DACH1: variants seen among roughly 807,000 people sequenced by gnomAD.
DACH1 encodes dachshund homolog 1.
In DACH1, 12 loss-of-function variants were observed where a neutral mutation model predicts 54.2. The observed-to-expected ratio is 0.22, with a 90% CI of 0.14 to 0.36. The LOEUF (loss-of-function observed/expected upper bound fraction) is 0.36. Among genes scored for constraint, DACH1 ranks in the 10% least tolerant of loss-of-function variants. DACH1 has a pLI of 1.00. For missense variants in DACH1, 805 were observed against 929.8 expected (o/e 0.87, Z 1.75); for synonymous variants, 386 against 366.2 (o/e 1.05, Z -0.62).
At chr13:71,489,389 G>A (rs1277768494) in intron 6 of DACH1, among the ~76,000 whole-genome samples, 2 of 152,078 alleles carry the variant, frequency 1.3e-5, no homozygotes, top group Admixed American at 6.6e-5. Flanking sequence ...TGAGTTTACA[G>A]TGCCATAGAA....
chr13:71,771,347 A>C lies in DACH1; in HGVS notation c.849-89437T>G, dbSNP rs151042369. 8.0e-3 allele frequency among the ~76,000 whole-genome samples: 1,162 copies of C among 144,760 alleles called. 17 individuals are homozygous for C. Among genetic ancestry groups the C allele is most frequent in the African/African-American group, 0.027 (1,074 of 40,330 alleles). 95.0% of individuals were successfully genotyped at this position (144,760 alleles called of 152,430 possible). ...TAAATAAATAAATAAATAAATAAATAAATAAATAAATCTTTGCCAGAATGA... is the reference window on the plus strand; with the variant it reads ...TAAATAAATAAATAAATAAATAAATCAATAAATAAATCTTTGCCAGAATGA... On this transcript the variant is annotated intron_variant, in intron 1 of 10. Transcript: ENST00000613252.
intron 6 of DACH1, among the ~76,000 whole-genome samples, chr13:71,497,105 T>G (rs1265761172): frequency 1.3e-5 from 2 of 152,210 alleles, no homozygotes; most frequent in Non-Finnish European, 2.9e-5. Flanking sequence ...TTCATTTATT[T>G]ATTAAAACGA....
chr13:71,630,408 G>T, intron 3 of DACH1, 148 bp downstream of exon 3: 1 of 1,233,882 alleles, frequency 8.1e-7, no homozygotes, highest in Non-Finnish European at 1.1e-6. Context: ...TGTTAGAGAG[G>T]CAAAATGGTA....
chr13:71,825,371 T>C (rs1739965754), intron 1 of DACH1, among the ~76,000 whole-genome samples: 1 of 152,168 alleles, frequency 6.6e-6, no homozygotes, highest in African/African-American at 2.4e-5. Context: ...TCAATGATGT[T>C]AGTATATTTA....
chr13:71,827,293 T>A (rs1400331993), intron 1 of DACH1, among the ~76,000 whole-genome samples: 8 of 152,044 alleles, frequency 5.3e-5, no homozygotes, highest in African/African-American at 1.9e-4. Flanking sequence ...ACCTACTGAC[T>A]TACAACTCCG....
intron 1 of DACH1, among the ~76,000 whole-genome samples, chr13:71,860,522 T>A (rs1228548319): frequency 6.6e-6 from 1 of 151,670 alleles, no homozygotes; most frequent in South Asian, 2.1e-4. Context: ...AAACAAAGTT[T>A]AACTTTTTAA....
chr13:71,531,931 T>C (rs1882444328), intron 6 of DACH1, among the ~76,000 whole-genome samples: 1 of 151,892 alleles, frequency 6.6e-6, no homozygotes, highest in Admixed American at 6.6e-5. Context: ...CATATATATG[T>C]GTGTGTATAT....
At chr13:71,803,928 T>C (rs1240030208) in intron 1 of DACH1, among the ~76,000 whole-genome samples, 1 of 152,166 alleles carries the variant, frequency 6.6e-6, no homozygotes, top group Non-Finnish European at 1.5e-5. Context: ...ACTGGGTATT[T>C]GAAAATAAAC....
At chr13:71,497,304 T>G (rs1047672644) in intron 6 of DACH1, among the ~76,000 whole-genome samples, 1 of 152,064 alleles carries the variant, frequency 6.6e-6, no homozygotes, top group Non-Finnish European at 1.5e-5. Context: ...CGGAGGAAAT[T>G]CTGTTCTTGT....
chr13:71,598,544 C>T (rs181916649), intron 3 of DACH1, among the ~76,000 whole-genome samples: 10 of 152,260 alleles, frequency 6.6e-5, no homozygotes, highest in Admixed American at 4.6e-4. Flanking sequence ...TGAGCCACTG[C>T]GCCCGGCCTG....
intron 1 of DACH1, among the ~76,000 whole-genome samples, chr13:71,776,476 T>C (rs1886069800): frequency 6.6e-6 from 1 of 152,124 alleles, no homozygotes; most frequent in African/African-American, 2.4e-5. Context: ...TTTAATGCAA[T>C]ATTTTCTTAA....
In DACH1 at chr13:71,639,440, G is replaced by A. The variant is rs74096985; in HGVS notation, c.965-8723C>T. ...AAAATTGATCCTTGAGGCCATTAAT[G>A]GAAACACTCCCTATACCAGTTTTGA... On this transcript the variant is annotated intron_variant, in intron 2 of 10. Transcript: ENST00000613252. Among the ~76,000 whole-genome samples the A allele has an allele frequency of 7.3e-3, 1,104 of 152,056 alleles. 13 individuals carry two copies. Among genetic ancestry groups the A allele is most frequent in the African/African-American group, 0.024 (981 of 41,506 alleles).
chr13:71,507,907 CAATT>C (rs1232718556), intron 6 of DACH1, among the ~76,000 whole-genome samples: 2 of 152,070 alleles, frequency 1.3e-5, no homozygotes, highest in African/African-American at 4.8e-5. Flanking sequence ...TTATTGCTAA[CAATT>C]AAACATAAAA....
At chr13:71,645,510 A>G (rs1032812521) in intron 2 of DACH1, among the ~76,000 whole-genome samples, 2 of 152,178 alleles carry the variant, frequency 1.3e-5, no homozygotes, top group African/African-American at 4.8e-5. Context: ...GAGAGTAACA[A>G]AAGCAGGTAT....
chr13:71,651,378 A>G (rs541725859), intron 2 of DACH1, among the ~76,000 whole-genome samples: 37 of 151,900 alleles, frequency 2.4e-4, no homozygotes, highest in Admixed American at 2.2e-3. Context: ...ACAAAAAAAA[A>G]AAAGAAAGAA....
intron 2 of DACH1, among the ~76,000 whole-genome samples, chr13:71,647,179 C>T (rs1483973293): frequency 6.6e-6 from 1 of 152,136 alleles, no homozygotes; most frequent in African/African-American, 2.4e-5. Context: ...CTGAACACTG[C>T]CACAAATGTG....
chr13:71,798,325 T>TACATACATACATAC (rs1302578965), intron 1 of DACH1, among the ~76,000 whole-genome samples: 25 of 9,576 alleles, frequency 2.6e-3, no homozygotes, highest in African/African-American at 5.5e-3. Context: ...GTTACATACA[T>TACATACATACATAC]ATATATATAT....
chr13:71,658,723 A>T (rs1051250329), intron 2 of DACH1, among the ~76,000 whole-genome samples: 20 of 152,178 alleles, frequency 1.3e-4, no homozygotes, highest in Admixed American at 7.2e-4. Context: ...GTATTCCAAA[A>T]ACTAGAAACT....
intron 1 of DACH1, among the ~76,000 whole-genome samples, chr13:71,823,377 C>T (rs1352751059): frequency 6.6e-6 from 1 of 151,888 alleles, no homozygotes; most frequent in Non-Finnish European, 1.5e-5. Context: ...CATAATGATA[C>T]TAAAAAATGA....
Sources: allele counts gnomAD v4.1 joint callset (sites outside exome capture counted in the v4.1 genomes callset), GRCh38; gene constraint gnomAD v4.1.1; transcripts MANE v1.5; gene names NCBI Gene and HGNC (gene_info 2026-07-23, HGNC 2026-07-21).